The following RABGAP1L variants were observed in gnomAD, a reference collection of about 807,000 sequenced individuals.
RABGAP1L encodes RAB GTPase activating protein 1 like.
A neutral mutation model predicts 137.7 loss-of-function variants in RABGAP1L; 63 were observed. The observed-to-expected ratio is 0.46, with a 90% CI of 0.37 to 0.56. The LOEUF (loss-of-function observed/expected upper bound fraction) is 0.56. Ranked by LOEUF, RABGAP1L falls within the 20% of genes least tolerant of loss-of-function variation. The probability of loss-of-function intolerance (pLI) is 0.00; values close to 1 mark genes in which losing one functional copy is unlikely to be tolerated. For missense variants in RABGAP1L, 1,095 were observed against 1,244.0 expected (o/e 0.88, Z 1.80); for synonymous variants, 431 against 433.7 (o/e 0.99, Z 0.08).
chr1:174,451,644 C>T (rs1219835394), intron 13 of RABGAP1L, among the ~76,000 whole-genome samples: 1 of 152,148 alleles, frequency 6.6e-6, no homozygotes, highest in Non-Finnish European at 1.5e-5. Flanking sequence ...ATTTCAAAAG[C>T]CTTTAAATTT....
chr1:174,437,824 G>T (rs547495126), intron 13 of RABGAP1L, among the ~76,000 whole-genome samples: 3 of 152,160 alleles, frequency 2.0e-5, no homozygotes, highest in Admixed American at 1.3e-4. Context: ...AGAGAGAAAG[G>T]TCGGGTTACC....
chr1:174,973,494 C>T (rs1574050663), intron 21 of RABGAP1L, among the ~76,000 whole-genome samples: 5 of 151,022 alleles, frequency 3.3e-5, no homozygotes, highest in Admixed American at 2.6e-4. Flanking sequence ...GAGCAATTCT[C>T]CTGCCTCTGT....
chr1:174,284,734 C>CTTTTTTTTTTT (rs59344382), intron 10 of RABGAP1L, among the ~76,000 whole-genome samples: 4 of 42,620 alleles, frequency 9.4e-5, no homozygotes, highest in East Asian at 6.4e-4. Flanking sequence ...TATTTCTTGT[C>CTTTTTTTTTTT]TTTTTTTTTT....
intron 13 of RABGAP1L, among the ~76,000 whole-genome samples, chr1:174,625,732 A>G (rs1672898684): frequency 6.6e-6 from 1 of 152,242 alleles, no homozygotes; most frequent in Non-Finnish European, 1.5e-5. Flanking sequence ...CAGCTTATAA[A>G]AATAATTATT....
intron 11 of RABGAP1L, among the ~76,000 whole-genome samples, chr1:174,359,208 C>T (rs530806294): frequency 2.6e-5 from 4 of 152,022 alleles, no homozygotes; most frequent in African/African-American, 4.8e-5. Flanking sequence ...CAAGCCTTCT[C>T]GGTGTGTCTT....
intron 13 of RABGAP1L, among the ~76,000 whole-genome samples, chr1:174,414,411 T>C: frequency 6.6e-6 from 1 of 152,178 alleles, no homozygotes; most frequent in East Asian, 1.9e-4. Flanking sequence ...TTCGGTTGTA[T>C]GACTTTTAGT....
chr1:174,815,116 A>T (rs1447473373), intron 19 of RABGAP1L, among the ~76,000 whole-genome samples: 1 of 152,186 alleles, frequency 6.6e-6, no homozygotes, highest in Non-Finnish European at 1.5e-5. Context: ...AAACACTAAG[A>T]CCTATCCCAC....
intron 13 of RABGAP1L, among the ~76,000 whole-genome samples, chr1:174,611,098 A>G (rs12569210): frequency 0.58 from 83,367 of 143,874 alleles, 26,854 homozygotes; most frequent in African/African-American, 0.89. Flanking sequence ...TGTTGCCATT[A>G]CTTTTTGTGT....
At chr1:174,473,059 G>A (rs1658115732) in intron 13 of RABGAP1L, among the ~76,000 whole-genome samples, 2 of 152,062 alleles carry the variant, frequency 1.3e-5, no homozygotes, top group African/African-American at 4.8e-5. Flanking sequence ...GTCTTCAGTT[G>A]GCCACACAAA....
chr1:174,825,414 C>G (rs1429605947), intron 19 of RABGAP1L, among the ~76,000 whole-genome samples: 1 of 152,240 alleles, frequency 6.6e-6, no homozygotes, highest in African/African-American at 2.4e-5. Flanking sequence ...CTAACTCTTG[C>G]TACTTTTATC....
chr1:174,698,926 G>T (rs1408415159), intron 15 of RABGAP1L, among the ~76,000 whole-genome samples: 1 of 151,958 alleles, frequency 6.6e-6, no homozygotes, highest in Non-Finnish European at 1.5e-5. Context: ...CCGGGGATTA[G>T]TTTATATATA....
chr1:174,622,952 A>C (rs1672648592), intron 13 of RABGAP1L, among the ~76,000 whole-genome samples: 1 of 152,180 alleles, frequency 6.6e-6, no homozygotes, highest in African/African-American at 2.4e-5. Context: ...TTGAAGTTTC[A>C]GGTGGTACTT....
At chr1:174,172,176 TTGTGTGTGTGTGTGTGTGTGTGTG>T (rs34345014) in intron 1 of RABGAP1L, among the ~76,000 whole-genome samples, 1 of 123,606 alleles carries the variant, frequency 8.1e-6, no homozygotes, top group African/African-American at 3.0e-5. Context: ...TAATATTCCC[TTGTGTGTGTGTGTGTGTGTGTGTG>T]TGTGTGTGTG....
At chr1:174,534,775 C>CAAAAAAAAAAAAAAAAAAAAAAAAAAAAA (rs71117567) in intron 13 of RABGAP1L, among the ~76,000 whole-genome samples, 9 of 71,624 alleles carry the variant, frequency 1.3e-4, no homozygotes, top group Non-Finnish European at 2.0e-4. Flanking sequence ...ACTCTGTCTC[C>CAAAAAAAAAAAAAAAAAAAAAAAAAAAAA]AAAAAAAAAA....
intron 11 of RABGAP1L, among the ~76,000 whole-genome samples, chr1:174,318,308 C>T (rs1206567428): frequency 1.3e-5 from 2 of 152,116 alleles, no homozygotes; most frequent in Non-Finnish European, 2.9e-5. Flanking sequence ...TACTCCTGCT[C>T]TGCTTTGGTT....
chr1:174,236,677 C>T (rs1671205473), intron 4 of RABGAP1L, among the ~76,000 whole-genome samples: 1 of 132,870 alleles, frequency 7.5e-6, no homozygotes, highest in African/African-American at 2.8e-5. Context: ...CTGAGGAGAG[C>T]TTTACTTCCA....
At chr1:174,196,423 G>T (rs75079326) in intron 1 of RABGAP1L, among the ~76,000 whole-genome samples, 2 of 151,538 alleles carry the variant, frequency 1.3e-5, no homozygotes, top group African/African-American at 2.4e-5. Context: ...ACGGGGTTTC[G>T]CTGTGTTAGC....
At chr1:174,471,049 C>T (rs1038181890) in intron 13 of RABGAP1L, among the ~76,000 whole-genome samples, 2 of 151,706 alleles carry the variant, frequency 1.3e-5, no homozygotes, top group East Asian at 1.9e-4. Flanking sequence ...AAAAAAAACA[C>T]ACTTTGATTT....
intron 19 of RABGAP1L, among the ~76,000 whole-genome samples, chr1:174,947,845 G>A (rs1667125702): frequency 6.6e-6 from 1 of 152,216 alleles, no homozygotes; most frequent in South Asian, 2.1e-4. Flanking sequence ...TATCCAAGCT[G>A]CTTATATAAA....
Sources: gnomAD v4.1 joint callset for allele counts (sites outside exome capture counted in the v4.1 genomes callset) on GRCh38, gnomAD v4.1.1 for gene constraint, MANE v1.5 for transcripts, NCBI Gene and HGNC (gene_info 2026-07-23, HGNC 2026-07-21) for gene names.